Variants in PABPC4L observed in about 807,000 individuals in gnomAD.
The protein encoded by PABPC4L is poly(A) binding protein cytoplasmic 4 like, also known as polyadenylate-binding protein 4-like.
For missense variants in PABPC4L, 452 were observed against 451.4 expected, an observed-to-expected ratio of 1.00 and a Z score of -0.01; for synonymous variants, 169 against 164.1, an observed-to-expected ratio of 1.03 and a Z score of -0.23.
chr4:133,985,023 C>A, the PABPC4L span, among the ~76,000 whole-genome samples: 1 of 151,940 alleles, frequency 6.6e-6, no homozygotes, highest in Non-Finnish European at 1.5e-5. Flanking sequence ...AAAGTATCTA[C>A]CACTACTTTC....
At chr4:134,192,242 T>C (rs114929769), downstream of PABPC4L, among the ~76,000 whole-genome samples, 11 of 152,194 alleles carry the variant, frequency 7.2e-5, no homozygotes, top group African/African-American at 2.6e-4. Context: ...TTTAAAACAT[T>C]AAGTGAAAGA....
At chr4:134,154,364 G>A in the PABPC4L span, among the ~76,000 whole-genome samples, 2 of 151,944 alleles carry the variant, frequency 1.3e-5, no homozygotes, top group Non-Finnish European at 2.9e-5. Context: ...GCTGAGGCAC[G>A]AGAATTGTCT....
At chr4:134,162,874 G>A in the PABPC4L span, among the ~76,000 whole-genome samples, 1 of 152,040 alleles carries the variant, frequency 6.6e-6, no homozygotes, top group Non-Finnish European at 1.5e-5. Flanking sequence ...AATGCTAAGA[G>A]GAACGTTTAT....
the PABPC4L span, among the ~76,000 whole-genome samples, chr4:134,117,490 A>T: frequency 3.7e-3 from 567 of 151,920 alleles, 2 homozygotes; most frequent in African/African-American, 0.013. Flanking sequence ...ATCTGCAACC[A>T]TTTGAGAGAT....
the PABPC4L span, among the ~76,000 whole-genome samples, chr4:134,120,260 G>T: frequency 3.2e-4 from 44 of 138,504 alleles, no homozygotes; most frequent in African/African-American, 5.5e-4. Context: ...TTGTTCTTTG[G>T]TTTTTTTTTT....
the PABPC4L span, among the ~76,000 whole-genome samples, chr4:133,990,378 C>T: frequency 6.6e-6 from 1 of 152,060 alleles, no homozygotes; most frequent in African/African-American, 2.4e-5. Context: ...TTTTGAGGTA[C>T]AATAAATGAT....
the PABPC4L span, among the ~76,000 whole-genome samples, chr4:133,972,083 T>C: frequency 6.6e-6 from 1 of 152,216 alleles, no homozygotes; most frequent in Non-Finnish European, 1.5e-5. Context: ...TGTCCAGGAC[T>C]CTACCAATTA....
At chr4:134,092,594 C>T in the PABPC4L span, among the ~76,000 whole-genome samples, 2 of 152,024 alleles carry the variant, frequency 1.3e-5, no homozygotes, top group Non-Finnish European at 2.9e-5. Context: ...GCTAAAAGGG[C>T]ATTGTTTGAA....
chr4:134,014,925 T>C, the PABPC4L span, among the ~76,000 whole-genome samples: 2 of 152,034 alleles, frequency 1.3e-5, no homozygotes, highest in Non-Finnish European at 2.9e-5. Context: ...ACCTGCCCAG[T>C]TCCCTTATTA....
chr4:134,096,311 G>T, the PABPC4L span, among the ~76,000 whole-genome samples: 1 of 151,792 alleles, frequency 6.6e-6, no homozygotes, highest in Non-Finnish European at 1.5e-5. Context: ...GCACAATACA[G>T]GTTTTATATG....
chr4:133,975,028 C>A, the PABPC4L span, among the ~76,000 whole-genome samples: 1 of 152,048 alleles, frequency 6.6e-6, no homozygotes, highest in South Asian at 2.1e-4. Context: ...CTCATGTTCA[C>A]TCAATATCTT....
the PABPC4L span, among the ~76,000 whole-genome samples, chr4:134,025,305 C>CAAAAAAAAAAAAAA: frequency 2.2e-5 from 1 of 45,640 alleles, no homozygotes; most frequent in Non-Finnish European, 4.5e-5. Context: ...GAATTCATCT[C>CAAAAAAAAAAAAAA]AAAAAAAAAA....
At chr4:134,091,667 G>A in the PABPC4L span, among the ~76,000 whole-genome samples, 2 of 151,482 alleles carry the variant, frequency 1.3e-5, no homozygotes, top group African/African-American at 2.4e-5. Flanking sequence ...TATAAATATA[G>A]ATAAATACAT....
chr4:134,104,929 G>A, the PABPC4L span, among the ~76,000 whole-genome samples: 3 of 151,782 alleles, frequency 2.0e-5, no homozygotes, highest in African/African-American at 7.2e-5. Flanking sequence ...CACATTACCG[G>A]TGTGCTCTCA....
chr4:134,048,193 TTA>T, the PABPC4L span, among the ~76,000 whole-genome samples: 1 of 152,084 alleles, frequency 6.6e-6, no homozygotes, highest in Admixed American at 6.6e-5. Flanking sequence ...AATTTAATAT[TTA>T]TATGTCTTTA....
At chr4:133,974,844 T>G in the PABPC4L span, among the ~76,000 whole-genome samples, 1 of 151,958 alleles carries the variant, frequency 6.6e-6, no homozygotes, top group Non-Finnish European at 1.5e-5. Context: ...ATATGGAAAA[T>G]TATAAGTATT....
the PABPC4L span, among the ~76,000 whole-genome samples, chr4:134,079,729 T>C: frequency 1.3e-5 from 2 of 150,552 alleles, no homozygotes; most frequent in African/African-American, 4.9e-5. Flanking sequence ...GAGAGAGATT[T>C]CCCCCCAATT....
At chr4:134,120,677 T>G in the PABPC4L span, among the ~76,000 whole-genome samples, 2 of 151,472 alleles carry the variant, frequency 1.3e-5, no homozygotes, top group Non-Finnish European at 3.0e-5. Context: ...TTTGTCATTC[T>G]TATTATAAAG....
the PABPC4L span, among the ~76,000 whole-genome samples, chr4:134,156,626 G>T: frequency 6.6e-6 from 1 of 151,616 alleles, no homozygotes; most frequent in Non-Finnish European, 1.5e-5. Context: ...ATAAATATAA[G>T]GAAATTATAT....
Sources: allele counts gnomAD v4.1 joint callset (sites outside exome capture counted in the v4.1 genomes callset), GRCh38; gene constraint gnomAD v4.1.1; transcripts MANE v1.5; gene names NCBI Gene and HGNC (gene_info 2026-07-23, HGNC 2026-07-21).